Variants in TENM2 observed in about 807,000 individuals in gnomAD.
TENM2 encodes the protein teneurin transmembrane protein 2.
A neutral mutation model predicts 245.2 loss-of-function variants in TENM2; 52 were observed. The ratio of observed to expected loss-of-function variants is 0.21; its 90% CI spans 0.17 to 0.27. The LOEUF (loss-of-function observed/expected upper bound fraction) is 0.27, where lower values mean the gene tolerates loss of function less well. Among genes scored for constraint, TENM2 ranks in the 10% least tolerant of loss-of-function variants. The pLI, the probability that TENM2 is intolerant of heterozygous loss-of-function variation, is 1.00. For missense variants in TENM2, 3,046 were observed against 3,666.8 expected, an observed-to-expected ratio of 0.83 and a Z score of 4.37; for synonymous variants, 1,363 against 1,438.9, an observed-to-expected ratio of 0.95 and a Z score of 1.19.
At chr5:167,977,201 A>C (rs1204092430) in intron 4 of TENM2, among the ~76,000 whole-genome samples, 1 of 152,190 alleles carries the variant, frequency 6.6e-6, no homozygotes, top group Non-Finnish European at 1.5e-5. Context: ...AGAGAGGATC[A>C]GAAGAAAAAA....
chr5:168,065,903 G>A (rs1243864280), intron 7 of TENM2, among the ~76,000 whole-genome samples: 1 of 150,166 alleles, frequency 6.7e-6, no homozygotes, highest in Non-Finnish European at 1.5e-5. Flanking sequence ...CTTTCAAACA[G>A]GGGTGATTTT....
In TENM2 at chr5:168,218,587, C is replaced by A; in HGVS notation, c.4696C>A (p.Arg1566=). The change falls in exon 23 of 29, where the codon CGG becomes AGG. Residue 1566 remains arginine (R), a synonymous_variant. Coordinates refer to ENST00000518659, the Ensembl canonical transcript of TENM2. The surrounding 1 kb of genome is among the most constrained non-coding windows in gnomAD (Gnocchi z 5.2). ...TTACATTGCAGACCTTGGAAATATTCGGATCAGGGCGGTCAGCAAGAACAA... is the reference window on the plus strand; with the variant it reads ...TTACATTGCAGACCTTGGAAATATTAGGATCAGGGCGGTCAGCAAGAACAA... 6.2e-7 allele frequency: 1 copy of A among 1,613,968 alleles called. No individual in the cohort carries two copies. Among genetic ancestry groups the A allele is most frequent in the Non-Finnish European group, 8.5e-7 (1 of 1,179,888 alleles).
At chr5:167,712,698 G>C (rs1165488008) in intron 2 of TENM2, among the ~76,000 whole-genome samples, 1 of 152,088 alleles carries the variant, frequency 6.6e-6, no homozygotes, top group African/African-American at 2.4e-5. Context: ...CAAAAGGAAA[G>C]AAAAGCCTAT....
intron 25 of TENM2, among the ~76,000 whole-genome samples, chr5:168,238,927 T>C (rs1355847347): frequency 6.6e-6 from 1 of 152,238 alleles, no homozygotes; most frequent in East Asian, 1.9e-4. Context: ...TTGGTTTCTC[T>C]ATCACTGAAT....
chr5:167,918,862 G>A (rs1271719628), intron 3 of TENM2, among the ~76,000 whole-genome samples: 2 of 151,900 alleles, frequency 1.3e-5, no homozygotes, highest in African/African-American at 4.8e-5. Context: ...GTTACCACGG[G>A]GACAAAATGT....
chr5:167,408,349 G>A (rs893849487), intron 2 of TENM2, among the ~76,000 whole-genome samples: 1 of 152,080 alleles, frequency 6.6e-6, no homozygotes, highest in Admixed American at 6.6e-5. Flanking sequence ...GTTTGGACCT[G>A]GGTGTTGAAT....
intron 4 of TENM2, among the ~76,000 whole-genome samples, chr5:167,954,753 G>T (rs1364777143): frequency 2.0e-5 from 3 of 152,164 alleles, no homozygotes; most frequent in Non-Finnish European, 4.4e-5. Flanking sequence ...TGCTGAGGAT[G>T]ATGGTTTCCC....
At chr5:168,050,940 T>C (rs1174376596) in intron 6 of TENM2, among the ~76,000 whole-genome samples, 1 of 152,210 alleles carries the variant, frequency 6.6e-6, no homozygotes, top group Non-Finnish European at 1.5e-5. Context: ...TCACTCACCA[T>C]CTTGTGTGTA....
At chr5:168,032,930 A>G (rs1018820203) in intron 5 of TENM2, among the ~76,000 whole-genome samples, 2 of 152,206 alleles carry the variant, frequency 1.3e-5, no homozygotes, top group Non-Finnish European at 2.9e-5. Flanking sequence ...TATGTGTAGC[A>G]TGTGGACACA....
intron 1 of TENM2, among the ~76,000 whole-genome samples, chr5:167,365,891 A>T (rs537407248): frequency 2.0e-4 from 30 of 152,166 alleles, no homozygotes; most frequent in African/African-American, 7.2e-4. Context: ...GTAGTAATGC[A>T]TAAAATGTAT....
At chr5:167,493,317 C>T (rs1008655760) in intron 2 of TENM2, among the ~76,000 whole-genome samples, 1 of 152,022 alleles carries the variant, frequency 6.6e-6, no homozygotes, top group East Asian at 1.9e-4. Context: ...CCTTTATTGG[C>T]ACAATGAGAA....
chr5:167,146,242 G>T, the TENM2 span, among the ~76,000 whole-genome samples: 1 of 152,060 alleles, frequency 6.6e-6, no homozygotes, highest in African/African-American at 2.4e-5. Context: ...CCTTGCTATC[G>T]TGAATGGCAA....
intron 2 of TENM2, among the ~76,000 whole-genome samples, chr5:167,505,564 T>C (rs1375945868): frequency 3.3e-5 from 5 of 152,224 alleles, no homozygotes; most frequent in African/African-American, 1.2e-4. Flanking sequence ...TAGGTAAACT[T>C]GTTGTTTTAA....
chr5:167,582,900 G>A (rs530035545), intron 2 of TENM2, among the ~76,000 whole-genome samples: 15 of 152,180 alleles, frequency 9.9e-5, no homozygotes, highest in South Asian at 2.1e-4. Context: ...TGATTTATAC[G>A]TTGTAATTTT....
At chr5:167,852,252 A>T (rs181878264) in intron 2 of TENM2, among the ~76,000 whole-genome samples, 1 of 152,364 alleles carries the variant, frequency 6.6e-6, no homozygotes, top group African/African-American at 2.4e-5. Flanking sequence ...TTATGTCAAG[A>T]TTTACAGTAA....
the TENM2 span, among the ~76,000 whole-genome samples, chr5:167,219,365 C>T: frequency 2.0e-5 from 3 of 152,038 alleles, no homozygotes; most frequent in African/African-American, 4.8e-5. Context: ...ACAAACAAAA[C>T]GTGGATACCC....
At chr5:168,248,515 A>G (rs1410748988) in intron 27 of TENM2, 144 bp downstream of exon 29, 4 of 812,968 alleles carry the variant, frequency 4.9e-6, no homozygotes, top group Non-Finnish European at 7.6e-6. Flanking sequence ...GCAGCACTAC[A>G]GAGTCTAGAA....
chr5:167,677,023 A>C (rs1336871515), intron 2 of TENM2, among the ~76,000 whole-genome samples: 1 of 152,132 alleles, frequency 6.6e-6, no homozygotes, highest in Non-Finnish European at 1.5e-5. Context: ...CAAGGTGGTC[A>C]GTGGCCTTTC....
At chr5:167,856,248 CT>C (rs35282623) in intron 2 of TENM2, among the ~76,000 whole-genome samples, 1 of 152,128 alleles carries the variant, frequency 6.6e-6, no homozygotes, top group Non-Finnish European at 1.5e-5. Flanking sequence ...CCTGCCCCCA[CT>C]TTGCCAAATG....
Sources: gnomAD v4.1 joint callset for allele counts (sites outside exome capture counted in the v4.1 genomes callset) on GRCh38, gnomAD v4.1.1 for gene constraint, Gnocchi (gnomAD v3.1) non-coding constraint, MANE v1.5 for transcripts, NCBI Gene and HGNC (gene_info 2026-07-23, HGNC 2026-07-21) for gene names.